Variants in SNX29 observed in about 807,000 individuals in gnomAD.
The protein encoded by SNX29 is sorting nexin-29.
A neutral mutation model predicts 102.1 loss-of-function variants in SNX29; 78 were observed. The observed-to-expected ratio is 0.76, with a 90% CI of 0.64 to 0.92. SNX29 has a LOEUF of 0.92. SNX29 is among the 40% of genes least tolerant of loss of function. The probability of loss-of-function intolerance (pLI) is 0.00; values close to 1 mark genes in which losing one functional copy is unlikely to be tolerated. For missense variants in SNX29, 1,280 were observed against 1,061.7 expected (o/e 1.21, Z -2.86); for synonymous variants, 580 against 414.5 (o/e 1.40, Z -4.85).
intron 3 of SNX29, among the ~76,000 whole-genome samples, chr16:12,009,280 A>G (rs754193739): frequency 6.6e-6 from 1 of 152,164 alleles, no homozygotes; most frequent in Non-Finnish European, 1.5e-5. Flanking sequence ...CAGTGCTAGC[A>G]GGACAGAGCA....
rs1323409568 is a variant in SNX29 at position 12,573,615 on chromosome 16, G to A, written c.*4986G>A. ...CCCCTCAAATTTTCTCAGCTCTGCC[G>A]CTGGTCTCCATGAACGGCAAGGGGA... is the stretch of plus-strand genomic sequence containing the variant. On this transcript the variant is annotated 3_prime_UTR_variant, in exon 21 of 21. Coordinates refer to ENST00000566228, the MANE Select transcript of SNX29 (RefSeq NM_032167.5). The A allele has an allele frequency of 1.4e-5, 3 of 221,280 alleles. No individual in the cohort carries two copies. The highest frequency in any genetic ancestry group is 2.2e-5 in the African/African-American group (1 of 44,682). 13.7% of individuals were successfully genotyped at this position (221,280 alleles called of 1,614,324 possible).
intron 11 of SNX29, among the ~76,000 whole-genome samples, chr16:12,120,816 TGGGA>T: frequency 6.6e-6 from 1 of 152,306 alleles, no homozygotes; most frequent in East Asian, 1.9e-4. Flanking sequence ...TAATGATGTA[TGGGA>T]CCGTGTCCCC....
At chr16:12,454,405 C>A (rs113287509) in intron 18 of SNX29, among the ~76,000 whole-genome samples, 1 of 152,182 alleles carries the variant, frequency 6.6e-6, no homozygotes, top group African/African-American at 2.4e-5. Flanking sequence ...GAACCAAATG[C>A]GATTCCTACC....
rs1445083156 is a variant in SNX29, at chr16:12,369,539, C to G, written c.1899+13260C>G. Among the ~76,000 whole-genome samples the G allele has an allele frequency of 2.0e-5, 3 of 152,216 alleles. No homozygotes were observed. The South Asian group carries it at 6.2e-4, about 32-fold the overall frequency. On this transcript the variant is annotated intron_variant, in intron 16 of 20. Coordinates refer to ENST00000566228, the MANE Select transcript of SNX29 (RefSeq NM_032167.5). ...TAGAAGCTGGTCTGGGCCAGGTCCT[C>G]TCCTGTACATGGTCAGGTGATGACA...
At chr16:12,325,068 C>G (rs61159108) in intron 15 of SNX29, among the ~76,000 whole-genome samples, 8,387 of 152,194 alleles carry the variant, frequency 0.055, 482 homozygotes, top group African/African-American at 0.14. Context: ...AACAATGTAA[C>G]TGCCCCCAGT....
chr16:12,560,547 A>G (rs796992767), intron 20 of SNX29, among the ~76,000 whole-genome samples: 2 of 152,282 alleles, frequency 1.3e-5, no homozygotes, highest in East Asian at 3.9e-4. Flanking sequence ...TTTCTGGTTG[A>G]AACGTTGCTC....
chr16:12,536,510 C>T (rs560969492), intron 20 of SNX29, among the ~76,000 whole-genome samples: 8 of 152,296 alleles, frequency 5.3e-5, no homozygotes, highest in Non-Finnish European at 8.8e-5. Flanking sequence ...TTAGGGACTT[C>T]ATGCCTCTAT....
At chr16:12,436,441 C>T (rs904624318) in intron 18 of SNX29, among the ~76,000 whole-genome samples, 19 of 152,212 alleles carry the variant, frequency 1.2e-4, no homozygotes, top group African/African-American at 4.3e-4. Context: ...TGGAGTGGCG[C>T]GCGAGCACCT....
chr16:12,367,533 C>G (rs1019720361), intron 16 of SNX29: 3 of 152,186 alleles, frequency 2.0e-5, no homozygotes, highest in African/African-American at 7.2e-5. Context: ...AAACCCCATC[C>G]CAAGTTTTGT....
intron 20 of SNX29, among the ~76,000 whole-genome samples, chr16:12,553,038 G>A (rs900204654): frequency 6.6e-6 from 1 of 152,222 alleles, no homozygotes; most frequent in East Asian, 1.9e-4. Context: ...AGAGGCTGGG[G>A]ACACTAATTG....
chr16:12,199,027 A>T (rs980364516), intron 13 of SNX29, among the ~76,000 whole-genome samples: 4 of 152,054 alleles, frequency 2.6e-5, no homozygotes, highest in African/African-American at 9.7e-5. Context: ...GTAATCTTAC[A>T]TGGGGGTGGA....
chr16:12,172,147 T>A (rs1222829901), intron 13 of SNX29, among the ~76,000 whole-genome samples: 1 of 152,236 alleles, frequency 6.6e-6, no homozygotes, highest in Non-Finnish European at 1.5e-5. Flanking sequence ...TGCCTAAGAA[T>A]GAAATGCAAA....
chr16:12,102,619 A>T (rs1027575756), intron 11 of SNX29, among the ~76,000 whole-genome samples: 1 of 152,118 alleles, frequency 6.6e-6, no homozygotes, highest in Non-Finnish European at 1.5e-5. Flanking sequence ...GGGTTGTCAA[A>T]AGCTGGAAGC....
chr16:12,551,047 G>T (rs1005976228), intron 20 of SNX29, among the ~76,000 whole-genome samples: 1 of 152,154 alleles, frequency 6.6e-6, no homozygotes, highest in Non-Finnish European at 1.5e-5. Context: ...GTGTCATCCA[G>T]ATGAAGGAAG....
chr16:12,074,944 C>T (rs2051479014), intron 10 of SNX29, among the ~76,000 whole-genome samples: 1 of 152,172 alleles, frequency 6.6e-6, no homozygotes, highest in African/African-American at 2.4e-5. Flanking sequence ...CCCTTTCTTC[C>T]AGTTGATCGC....
chr16:12,073,235 T>G (rs1013170938), intron 10 of SNX29, among the ~76,000 whole-genome samples: 5 of 152,172 alleles, frequency 3.3e-5, no homozygotes, highest in Non-Finnish European at 4.4e-5. Flanking sequence ...TGCTCTTGCT[T>G]TTTTTCTAGT....
chr16:12,031,365 C>T (rs374667309), intron 4 of SNX29, among the ~76,000 whole-genome samples: 5 of 151,798 alleles, frequency 3.3e-5, no homozygotes, highest in East Asian at 2.0e-4. Context: ...AGCCACTGTT[C>T]CTGGCCCAAT....
At chr16:12,123,962 T>A (rs1451109916) in intron 11 of SNX29, among the ~76,000 whole-genome samples, 1 of 152,162 alleles carries the variant, frequency 6.6e-6, no homozygotes, top group African/African-American at 2.4e-5. Flanking sequence ...ACCAGCAACC[T>A]TTTCCAGTGG....
intron 11 of SNX29, among the ~76,000 whole-genome samples, chr16:12,104,445 A>G (rs150801163): frequency 6.6e-6 from 1 of 152,310 alleles, no homozygotes; most frequent in East Asian, 1.9e-4. Context: ...AATCCCAGCT[A>G]TACAGGAGGC....
Sources: allele counts gnomAD v4.1 joint callset (sites outside exome capture counted in the v4.1 genomes callset), GRCh38; gene constraint gnomAD v4.1.1; transcripts MANE v1.5; gene names NCBI Gene and HGNC (gene_info 2026-07-23, HGNC 2026-07-21).